Variants in TMEM63B observed in about 807,000 individuals in gnomAD.
TMEM63B encodes the protein transmembrane protein 63B.
TMEM63B carries 23 observed loss-of-function variants against 102.6 expected under a neutral mutation model. The observed-to-expected ratio is 0.22, with a 90% CI of 0.16 to 0.32. The LOEUF (loss-of-function observed/expected upper bound fraction) is 0.32. Among genes scored for constraint, TMEM63B ranks in the 10% least tolerant of loss-of-function variants. TMEM63B has a pLI of 1.00. For synonymous variants in TMEM63B, 444 were observed against 437.0 expected, an observed-to-expected ratio of 1.02 and a Z score of -0.20; for missense variants, 628 against 1,095.9, an observed-to-expected ratio of 0.57 and a Z score of 6.03.
rs1041351555 is a variant in TMEM63B, at chr6:44,150,063, G to A, written c.1520+98G>A. On this transcript the variant is annotated intron_variant, in intron 16 of 23. Transcript: ENST00000323267. The surrounding 1 kb of genome is among the most constrained non-coding windows in gnomAD (Gnocchi z 4.7). ...TTGCCCTTCAGGCTCCTGGCCCTGG[G>A]CAGTCCCACAGCTGGTAGGGAAGGG... The A allele has an allele frequency of 2.7e-5, 37 of 1,391,732 alleles. No homozygotes were observed. In the African/African-American group the frequency reaches 4.0e-4, roughly 15 times the overall value. The allele number at this position is 1,391,732 out of a possible 1,614,324, so 86.2% of individuals were successfully genotyped here. A position where few individuals can be genotyped will look rare whatever the true frequency, so the allele number is the denominator to read the frequency against.
At chr6:44,135,643 G>C (rs1333393973) in intron 4 of TMEM63B, among the ~76,000 whole-genome samples, 1 of 152,152 alleles carries the variant, frequency 6.6e-6, no homozygotes, top group Non-Finnish European at 1.5e-5. Flanking sequence ...TTGGCTGGAG[G>C]GGAGGGGCTG....
At chr6:44,137,337 G>C (rs576327114) in intron 5 of TMEM63B, among the ~76,000 whole-genome samples, 5 of 152,318 alleles carry the variant, frequency 3.3e-5, no homozygotes, top group African/African-American at 1.2e-4. Flanking sequence ...CTAATCCTCA[G>C]ACATGGTGTG....
chr6:44,127,952 C>CGCCCCCG (rs1365481979), intron 1 of TMEM63B: 27 of 151,926 alleles, frequency 1.8e-4, no homozygotes, highest in East Asian at 3.9e-4. Context: ...GTGGGACCCC[C>CGCCCCCG]GCCCCCGGCC....
chr6:44,144,406 G>T (rs1353164595), intron 10 of TMEM63B, among the ~76,000 whole-genome samples: 1 of 152,132 alleles, frequency 6.6e-6, no homozygotes, highest in East Asian at 1.9e-4. Context: ...CCCTTCCAAA[G>T]GGGAAACCTC....
chr6:44,136,305 C>G, intron 4 of TMEM63B, 44 bp from the exon 5 acceptor site: 1 of 1,572,892 alleles, frequency 6.4e-7, no homozygotes, highest in African/African-American at 1.3e-5. Flanking sequence ...CCCGGGGGCT[C>G]AGACTCACCA....
At chr6:44,140,398 G>A in intron 9 of TMEM63B, 38 bp downstream of exon 9, 1 of 1,547,176 alleles carries the variant, frequency 6.5e-7, no homozygotes, top group Non-Finnish European at 8.9e-7. Context: ...CCCATCCCCA[G>A]CCTCTTCCCT....
rs1763504246 is a variant in TMEM63B at position 44,138,685 on chromosome 6, G to T, written c.407+168G>T. On this transcript the variant is annotated intron_variant, in intron 6 of 23. Coordinates refer to ENST00000323267, the MANE Select transcript of TMEM63B (RefSeq NM_018426.3). ...AGCCTCGGGTGCCTGAGCCTCTGCT[G>T]TACCCTGAACACTCACTTGACCCCA... 4.8e-6 allele frequency: 3 copies of T among 631,542 alleles called. No homozygotes were observed. In the East Asian group the frequency reaches 1.0e-4, roughly 21 times the overall value. 39.1% of individuals were successfully genotyped at this position (631,542 alleles called of 1,614,324 possible). A position where few individuals can be genotyped will look rare whatever the true frequency, so the allele number is the denominator to read the frequency against.
intron 4 of TMEM63B, 21 bp downstream of exon 4, chr6:44,135,387 C>T (rs1762735989): frequency 1.9e-6 from 3 of 1,603,838 alleles, no homozygotes; most frequent in South Asian, 1.1e-5. Context: ...CACCAGCCCC[C>T]TCATTCCCAC....
chr6:44,139,817 T>G (rs1463860929), intron 8 of TMEM63B, 58 bp downstream of exon 8: 25 of 1,607,808 alleles, frequency 1.6e-5, no homozygotes, highest in Non-Finnish European at 2.0e-5. Flanking sequence ...TGGGCCATGA[T>G]GTGGGACAGG....
intron 23 of TMEM63B, 75 bp from the exon 24 acceptor site, chr6:44,154,617 C>A: frequency 6.7e-7 from 1 of 1,496,446 alleles, no homozygotes; most frequent in Non-Finnish European, 9.0e-7. Context: ...ACTCTGCTGT[C>A]CTACATGCCC....
chr6:44,151,977 G>A lies in TMEM63B; in HGVS notation c.1805G>A (p.Arg602His). ...TACATGATCCGGCTCTGCCTGGCGC[G>A]CTCGGCCGCCGAGAGGCGCAACGTG... ...LMYMIRLCLA[R>H]SAAERRNVKR... Residue 602 changes from arginine (R) to histidine (H), a missense_variant, in exon 19 of 24, where the codon CGC (arginine) becomes CAC (histidine). Arg to His is a conservative substitution (Grantham distance 29). Coordinates refer to ENST00000323267, the MANE Select transcript of TMEM63B (RefSeq NM_018426.3). 1.2e-6 allele frequency: 2 copies of A among 1,610,848 alleles called. No individual in the cohort carries two copies. Among genetic ancestry groups the A allele is most frequent in the South Asian group, 1.1e-5 (1 of 90,928 alleles).
Position 44,148,479 on chromosome 6 carries a change from G to C in TMEM63B, c.1122-34G>C, listed in dbSNP as rs1443957042. On this transcript the variant is annotated intron_variant, in intron 13 of 23. Transcript: ENST00000323267. This position sits in a 1 kb window ranked among gnomAD's most constrained non-coding sequence, Gnocchi z 5.1. ...CTTCTGCCAGCAGTGTGGCCTCCAG[G>C]TGGGCCTGTGGTAACCAGTGCCCAT... is the stretch of plus-strand genomic sequence containing the variant. The C allele has an allele frequency of 8.7e-6, 14 of 1,612,848 alleles. No homozygotes were observed. Among genetic ancestry groups the C allele is most frequent in the Non-Finnish European group, 1.1e-5 (13 of 1,179,084 alleles).
intron 3 of TMEM63B, 106 bp downstream of exon 3, chr6:44,135,202 G>C: frequency 6.4e-7 from 1 of 1,561,510 alleles, no homozygotes. Context: ...TTGCTGGGGG[G>C]ATGAGAAGGG....
chr6:44,138,866 CAGG>C (rs746011690), intron 6 of TMEM63B: 37 of 328,820 alleles, frequency 1.1e-4, no homozygotes, highest in Admixed American at 4.4e-4. Context: ...AGGCAGAACT[CAGG>C]AGATCCAGCC....
chr6:44,147,031 C>T, intron 11 of TMEM63B, 104 bp downstream of exon 11: 1 of 1,286,180 alleles, frequency 7.8e-7, no homozygotes, highest in East Asian at 2.4e-5. Context: ...TTTCCTAGGG[C>T]ATTTGATTTT....
At chr6:44,127,708 C>G (rs1024875050) in intron 1 of TMEM63B, 30 bp downstream of exon 1, 60 of 151,226 alleles carry the variant, frequency 4.0e-4, no homozygotes, top group African/African-American at 1.3e-3. Flanking sequence ...CCAGCCCTCG[C>G]TCTTTTCTTC....
At position 44,153,857 on chromosome 6, in the gene TMEM63B, A is replaced by ACC. The variant is rs777420085; in HGVS notation, c.2110+16_2110+17dup. 5.0e-6 allele frequency: 8 copies of ACC among 1,609,648 alleles called. No individual in the cohort carries two copies. Among genetic ancestry groups the ACC allele is most frequent in the Non-Finnish European group, 5.9e-6 (7 of 1,177,426 alleles). Reference sequence around the variant, plus strand: ...CCATGCGCACGGGTGAGGGATCCCTACCCAGGGAACGGGGGGTGGCGAGCA... The same window carrying ACC: ...CCATGCGCACGGGTGAGGGATCCCTACCCCCAGGGAACGGGGGGTGGCGAGCA... On this transcript the variant is annotated intron_variant, in intron 21 of 23. Coordinates refer to ENST00000323267, the MANE Select transcript of TMEM63B (RefSeq NM_018426.3).
intron 7 of TMEM63B, 32 bp from the exon 8 acceptor site, chr6:44,139,673 CCCA>C: frequency 3.7e-6 from 6 of 1,614,068 alleles, no homozygotes; most frequent in South Asian, 1.1e-5. Flanking sequence ...GTGCCCTGAC[CCCA>C]CCATCATCCT....
At chr6:44,138,393 A>C in intron 5 of TMEM63B, 87 bp from the exon 6 acceptor site, 1 of 1,553,010 alleles carries the variant, frequency 6.4e-7, no homozygotes, top group East Asian at 2.2e-5. Flanking sequence ...CCTGGAGGTA[A>C]TTATGAGAAT....
Sources: gnomAD v4.1 joint callset for allele counts (sites outside exome capture counted in the v4.1 genomes callset) on GRCh38, gnomAD v4.1.1 for gene constraint, Gnocchi (gnomAD v3.1) non-coding constraint, MANE v1.5 for transcripts, NCBI Gene and HGNC (gene_info 2026-07-23, HGNC 2026-07-21) for gene names.